The following CCZ1 variants were observed in gnomAD, a reference collection of about 807,000 sequenced individuals.
CCZ1 encodes vacuolar fusion protein CCZ1 homolog.
A neutral mutation model predicts 57.8 loss-of-function variants in CCZ1; 19 were observed. The ratio of observed to expected loss-of-function variants is 0.33; its 90% CI spans 0.23 to 0.48. The LOEUF (loss-of-function observed/expected upper bound fraction) is 0.48, where lower values mean the gene tolerates loss of function less well. Ranked by LOEUF, CCZ1 falls within the 20% of genes least tolerant of loss-of-function variation. The pLI is 0.99. For synonymous variants in CCZ1, 81 were observed against 167.0 expected, an observed-to-expected ratio of 0.49 and a Z score of 3.97; for missense variants, 200 against 492.0, an observed-to-expected ratio of 0.41 and a Z score of 5.61.
At chr7:5,910,234 C>T (rs144098604) in intron 8 of CCZ1, 118 bp downstream of exon 8, 6 of 913,576 alleles carry the variant, frequency 6.6e-6, no homozygotes, top group Non-Finnish European at 1.0e-5. Context: ...TTTTGTCTTA[C>T]TGTGATATTT....
intron 10 of CCZ1, among the ~76,000 whole-genome samples, chr7:5,916,457 A>C (rs1234030016): frequency 7.8e-6 from 1 of 127,534 alleles, no homozygotes; most frequent in African/African-American, 2.8e-5. Context: ...TATTTGCTTT[A>C]GGTTGGTTTG....
intron 14 of CCZ1, among the ~76,000 whole-genome samples, chr7:5,924,396 G>A (rs563125913): frequency 0.033 from 2,913 of 89,386 alleles, 416 homozygotes; most frequent in Middle Eastern, 0.056. Context: ...TGTGTCACCA[G>A]ACCCAGCTAA....
At position 5,923,932 on chromosome 7, in the gene CCZ1, CA is replaced by C; in HGVS notation, c.1370del (p.Asn457MetfsTer4). The C allele has an allele frequency of 2.2e-6, 3 of 1,391,860 alleles. No individual in the cohort carries two copies. The highest frequency in any genetic ancestry group is 3.0e-6 in the Non-Finnish European group (3 of 1,000,824). 86.2% of individuals were successfully genotyped at this position (1,391,860 alleles called of 1,614,324 possible). A position where few individuals can be genotyped will look rare whatever the true frequency, so the allele number is the denominator to read the frequency against. On this transcript the variant is annotated frameshift_variant, in exon 14 of 15. Transcript: ENST00000325974. LOFTEE classifies it high-confidence loss of function. ...DRRELYVILN[Q>X]KNANLIEVNE... ...GCGGGAGCTCTATGTTATTTTGAATCAAAAAAATGCAAACCTGATTGAAGTA... is the reference window on the plus strand; with the variant it reads ...GCGGGAGCTCTATGTTATTTTGAATCAAAAAATGCAAACCTGATTGAAGTA...
At chr7:5,920,508 C>T (rs1342655288) in intron 12 of CCZ1, among the ~76,000 whole-genome samples, 12 of 93,496 alleles carry the variant, frequency 1.3e-4, no homozygotes, top group Non-Finnish European at 2.0e-4. Context: ...CCCACTCTGT[C>T]GCCCAGGCTG....
chr7:5,899,455 A>G (rs1298945483), intron 1 of CCZ1, among the ~76,000 whole-genome samples: 2 of 142,142 alleles, frequency 1.4e-5, no homozygotes, highest in African/African-American at 5.2e-5. Flanking sequence ...AGCAAGTCAG[A>G]CTTCTGTTAA....
At chr7:5,912,352 G>A (rs1279826810) in intron 9 of CCZ1, among the ~76,000 whole-genome samples, 2 of 120,708 alleles carry the variant, frequency 1.7e-5, no homozygotes, top group African/African-American at 6.2e-5. Context: ...TGTTTCCAAT[G>A]AGTTAAAACT....
chr7:5,904,213 C>A lies in CCZ1; in HGVS notation c.523-881C>A, dbSNP rs1381237187. Among the ~76,000 whole-genome samples, 2 of 135,706 alleles carry A rather than the reference C, an allele frequency of 1.5e-5. 1 individual carries two copies. The highest frequency in any genetic ancestry group is 5.7e-4 in the East Asian group (2 of 3,528). 89.0% of individuals were successfully genotyped at this position (135,706 alleles called of 152,430 possible). A position where few individuals can be genotyped will look rare whatever the true frequency, so the allele number is the denominator to read the frequency against. ...GTTCAAGTGATTCTCCTGTCTCAGC[C>A]TCCTGAATAGTTGGGATTACAGGCT... On this transcript the variant is annotated intron_variant, in intron 6 of 14. Transcript: ENST00000325974.
rs1484011452 is a variant in CCZ1 at position 5,914,702 on chromosome 7, C to A, written c.954+1748C>A. 1.3e-3 allele frequency among the ~76,000 whole-genome samples: 198 copies of A among 148,600 alleles called. 12 individuals carry two copies. Among genetic ancestry groups the A allele is most frequent in the Non-Finnish European group, 1.7e-3 (114 of 67,632 alleles). Reference sequence around the variant, plus strand: ...CCAGCCTGGCCAACATGGGGAAACCCTGTCTCTACTAAAAATACAAAAAAT... The same window carrying A: ...CCAGCCTGGCCAACATGGGGAAACCATGTCTCTACTAAAAATACAAAAAAT... On this transcript the variant is annotated intron_variant, in intron 10 of 14. Transcript: ENST00000325974.
chr7:5,901,857 G>C (rs1346117400), intron 5 of CCZ1, 153 bp downstream of exon 5: 2 of 603,768 alleles, frequency 3.3e-6, no homozygotes, highest in Non-Finnish European at 5.7e-6. Flanking sequence ...AACAGGTAGT[G>C]AGGTTTATGC....
chr7:5,910,501 G>T (rs1460083474), intron 8 of CCZ1, among the ~76,000 whole-genome samples: 1 of 146,844 alleles, frequency 6.8e-6, no homozygotes, highest in African/African-American at 2.5e-5. Flanking sequence ...TAATTTTTTT[G>T]TATTTTTAGT....
At chr7:5,908,495 C>T (rs1288977009) in intron 7 of CCZ1, among the ~76,000 whole-genome samples, 2 of 148,148 alleles carry the variant, frequency 1.3e-5, no homozygotes, top group Non-Finnish European at 3.0e-5. Context: ...TCTCATGCCT[C>T]AGTCTCCCAA....
rs10645268 is a variant in CCZ1, at chr7:5,909,106, C to CTTT, written c.699-916_699-914dup. Among the ~76,000 whole-genome samples, 101 of 140,558 alleles carry CTTT rather than the reference C, an allele frequency of 7.2e-4. 3 individuals are homozygous for CTTT. Among genetic ancestry groups the CTTT allele is most frequent in the Middle Eastern group, 7.5e-3 (2 of 268 alleles). The allele number at this position is 140,558 out of a possible 152,430, so 92.2% of individuals were successfully genotyped here. A position where few individuals can be genotyped will look rare whatever the true frequency, so the allele number is the denominator to read the frequency against. On this transcript the variant is annotated intron_variant, in intron 7 of 14. Coordinates refer to ENST00000325974, the MANE Select transcript of CCZ1 (RefSeq NM_015622.6). The stretch of plus-strand genomic sequence containing the variant: ...AACCAGCGAGTCCAATCCCTTGTGA[C>CTTT]TTTTTTTTTTTTTTTATCTCAAATG...
intron 4 of CCZ1, 157 bp from the exon 5 acceptor site, chr7:5,901,500 A>G: frequency 8.2e-7 from 1 of 1,214,336 alleles, no homozygotes. Flanking sequence ...AAAAAAAAAA[A>G]GAACGCAAAC....
At chr7:5,916,705 G>A in intron 10 of CCZ1, among the ~76,000 whole-genome samples, 1 of 147,412 alleles carries the variant, frequency 6.8e-6, no homozygotes, top group Non-Finnish European at 1.5e-5. Flanking sequence ...TTGGGGGTTG[G>A]CCACAGAGAC....
chr7:5,910,592 C>T (rs1011384069), intron 8 of CCZ1, among the ~76,000 whole-genome samples: 1 of 144,100 alleles, frequency 6.9e-6, no homozygotes. Flanking sequence ...TCCCAAAGTG[C>T]TGGGATTACA....
Position 5,906,540 on chromosome 7 carries a change from C to G in CCZ1, c.698+1271C>G, listed in dbSNP as rs137888142. On this transcript the variant is annotated intron_variant, in intron 7 of 14. Transcript: ENST00000325974. ...GTTTTACCATGTTGGCCAGGCTGGT[C>G]CTAAACCCCTGACCTCAGGTGATTC... Among the ~76,000 whole-genome samples the G allele has an allele frequency of 4.4e-3, 645 of 148,244 alleles. 48 individuals are homozygous for G. Among genetic ancestry groups the G allele is most frequent in the African/African-American group, 0.016 (624 of 39,972 alleles).
At position 5,912,537 on chromosome 7, in the gene CCZ1, T is replaced by TTGCAG. The variant is rs534017386; in HGVS notation, c.843-305_843-301dup. 5.0e-4 allele frequency among the ~76,000 whole-genome samples: 74 copies of TTGCAG among 146,858 alleles called. 13 individuals are homozygous for TTGCAG. In the East Asian group the frequency reaches 0.015, roughly 30 times the overall value. On this transcript the variant is annotated intron_variant, in intron 9 of 14. Coordinates refer to ENST00000325974, the MANE Select transcript of CCZ1 (RefSeq NM_015622.6). The stretch of plus-strand genomic sequence containing the variant: ...GCCTCAGCCTCTTGAGTAGCTGGGA[T>TTGCAG]TGCAGGTGCCCACCACCACGACCAG...
In CCZ1 at chr7:5,913,061, T is replaced by C. The variant is rs528651279; in HGVS notation, c.954+107T>C. ...CCTCTTAAATGTTTCTTGGAAAAGA[T>C]ATTGGAAGTTCTGATTATGGTAAAA... On this transcript the variant is annotated intron_variant, in intron 10 of 14. Coordinates refer to ENST00000325974, the MANE Select transcript of CCZ1 (RefSeq NM_015622.6). 521 of 828,214 alleles carry C rather than the reference T, an allele frequency of 6.3e-4. 5 individuals are homozygous for C. The South Asian group carries it at 9.2e-3, about 15-fold the overall frequency. 51.3% of individuals were successfully genotyped at this position (828,214 alleles called of 1,614,324 possible). A position where few individuals can be genotyped will look rare whatever the true frequency, so the allele number is the denominator to read the frequency against.
chr7:5,904,008 A>C (rs1781744875), intron 6 of CCZ1, among the ~76,000 whole-genome samples: 1 of 142,816 alleles, frequency 7.0e-6, no homozygotes, highest in South Asian at 2.4e-4. Context: ...GGGGAAATAA[A>C]GATGGCACTC....
Sources: allele counts gnomAD v4.1 joint callset (sites outside exome capture counted in the v4.1 genomes callset), GRCh38; gene constraint gnomAD v4.1.1; transcripts MANE v1.5; gene names NCBI Gene and HGNC (gene_info 2026-07-23, HGNC 2026-07-21).